Variants in ASAP1 observed in about 807,000 individuals in gnomAD.
ASAP1 encodes the protein arf-GAP with SH3 domain, ANK repeat and PH domain-containing protein 1.
A neutral mutation model predicts 145.2 loss-of-function variants in ASAP1; 43 were observed. The ratio of observed to expected loss-of-function variants is 0.30; its 90% CI spans 0.23 to 0.38. The LOEUF (loss-of-function observed/expected upper bound fraction) is 0.38, where lower values mean the gene tolerates loss of function less well. Among genes scored for constraint, ASAP1 ranks in the 10% least tolerant of loss-of-function variants. The probability of loss-of-function intolerance (pLI) is 1.00; values close to 1 mark genes in which losing one functional copy is unlikely to be tolerated. For synonymous variants in ASAP1, 546 were observed against 515.5 expected (o/e 1.06, Z -0.80); for missense variants, 1,018 against 1,355.3 (o/e 0.75, Z 3.91).
chr8:130,418,374 C>T (rs1205366460), intron 1 of ASAP1, among the ~76,000 whole-genome samples: 1 of 152,018 alleles, frequency 6.6e-6, no homozygotes, highest in Non-Finnish European at 1.5e-5. Context: ...ATGGTGAAAC[C>T]TCGTCTCTAC....
chr8:130,276,728 A>ACACACACCCTCTCTCTCTCT (rs548512902), intron 3 of ASAP1, among the ~76,000 whole-genome samples: 1 of 87,272 alleles, frequency 1.1e-5, no homozygotes, highest in Non-Finnish European at 2.2e-5. Flanking sequence ...ACACACACAC[A>ACACACACCCTCTCTCTCTCT]CTCTCTCTCT....
At chr8:130,151,844 G>T (rs1186374440) in intron 13 of ASAP1, among the ~76,000 whole-genome samples, 1 of 152,198 alleles carries the variant, frequency 6.6e-6, no homozygotes, top group Non-Finnish European at 1.5e-5. Context: ...AGAGAGAAAG[G>T]CCACAAGGAC....
chr8:130,257,793 C>CCCT (rs1819656570), intron 3 of ASAP1, among the ~76,000 whole-genome samples: 2 of 144,778 alleles, frequency 1.4e-5, no homozygotes, highest in African/African-American at 5.1e-5. Flanking sequence ...AGCACCCCCC[C>CCCT]CCCATTATTT....
chr8:130,266,082 G>A (rs761999371), intron 3 of ASAP1, among the ~76,000 whole-genome samples: 4 of 152,118 alleles, frequency 2.6e-5, no homozygotes, highest in East Asian at 1.9e-4. Context: ...CCACAGGTGC[G>A]GGGTTGAAAC....
chr8:130,267,151 CAAAA>C (rs1191920384), intron 3 of ASAP1, among the ~76,000 whole-genome samples: 1 of 143,258 alleles, frequency 7.0e-6, no homozygotes, highest in Non-Finnish European at 1.6e-5. Context: ...AAAAACAAAA[CAAAA>C]AAAAACTAGT....
At chr8:130,121,425 C>A (rs1394662997) in intron 18 of ASAP1, among the ~76,000 whole-genome samples, 2 of 152,156 alleles carry the variant, frequency 1.3e-5, no homozygotes, top group Admixed American at 1.3e-4. Flanking sequence ...CTGAGTATCT[C>A]CAGACATTGC....
At chr8:130,105,527 G>T (rs370774397) in intron 24 of ASAP1, among the ~76,000 whole-genome samples, 2 of 152,150 alleles carry the variant, frequency 1.3e-5, no homozygotes, top group African/African-American at 2.4e-5. Flanking sequence ...AATACAGTAC[G>T]TTATTAACTA....
chr8:130,398,750 C>A (rs1828645960), intron 2 of ASAP1, among the ~76,000 whole-genome samples: 1 of 152,172 alleles, frequency 6.6e-6, no homozygotes, highest in Admixed American at 6.5e-5. Context: ...CAGGAGAGAA[C>A]AGGAAGAAGC....
Position 130,061,016 on chromosome 8 carries a change from C to T in ASAP1, c.2755G>A (p.Glu919Lys), listed in dbSNP as rs768671699. Residue 919 changes from glutamate to lysine, a missense_variant, in exon 28 of 30, where the codon GAA (glutamate) becomes AAA (lysine). Around this residue, in one of 9 missense-constraint regions of ASAP1, gnomAD observed 38 missense variants for 77.2 expected, o/e 0.49. Coordinates refer to ENST00000518721, the MANE Select transcript of ASAP1 (RefSeq NM_018482.4). ...AACTGTGATGATTTCTGAAAGATTT[C>T]GGGCGGGATGGTGGCTTTGTCTAGG... The part of the protein sequence containing the change: ...LSLDKATIPP[E>K]IFQKSSQLAE... 17 of 1,551,472 alleles carry T rather than the reference C, an allele frequency of 1.1e-5. No individual in the cohort carries two copies. Among genetic ancestry groups the T allele is most frequent in the Non-Finnish European group, 1.3e-5 (15 of 1,153,042 alleles).
intron 27 of ASAP1, among the ~76,000 whole-genome samples, chr8:130,072,824 T>TGTGGGCGCGCGC: frequency 3.1e-5 from 1 of 32,282 alleles, no homozygotes; most frequent in Non-Finnish European, 5.7e-5. Context: ...TGTGTGTGTG[T>TGTGGGCGCGCGC]GCGCGCGGGG....
At chr8:130,158,062 T>A (rs1477623178) in intron 12 of ASAP1, among the ~76,000 whole-genome samples, 1 of 152,136 alleles carries the variant, frequency 6.6e-6, no homozygotes, top group African/African-American at 2.4e-5. Context: ...AGTAGAATAA[T>A]AAGCAAAACA....
chr8:130,374,305 G>A (rs1010198040), intron 2 of ASAP1, among the ~76,000 whole-genome samples: 3 of 152,316 alleles, frequency 2.0e-5, no homozygotes, highest in South Asian at 2.1e-4. Context: ...ATTTTACTAC[G>A]TATGTGAATC....
chr8:130,238,880 C>T (rs1818365497), intron 3 of ASAP1, among the ~76,000 whole-genome samples: 1 of 152,100 alleles, frequency 6.6e-6, no homozygotes, highest in East Asian at 1.9e-4. Context: ...ACAGGGTTTC[C>T]AGACTGCAAG....
chr8:130,366,016 A>G (rs940221006), intron 2 of ASAP1, among the ~76,000 whole-genome samples: 2 of 152,106 alleles, frequency 1.3e-5, no homozygotes, highest in Middle Eastern at 3.2e-3. Context: ...CATTTTTTGG[A>G]TAAGGAAACT....
intron 22 of ASAP1, 70 bp from the exon 23 acceptor site, chr8:130,115,805 G>A: frequency 1.8e-6 from 2 of 1,113,174 alleles, no homozygotes; most frequent in Non-Finnish European, 2.7e-6. Context: ...TACAAACACT[G>A]AGCAAATCCC....
At chr8:130,308,887 C>T (rs1419424968) in intron 3 of ASAP1, among the ~76,000 whole-genome samples, 2 of 151,988 alleles carry the variant, frequency 1.3e-5, no homozygotes, top group Admixed American at 6.6e-5. Flanking sequence ...ACTAAAAATA[C>T]AAAAATTAGC....
intron 29 of ASAP1, among the ~76,000 whole-genome samples, chr8:130,055,050 G>A (rs879732492): frequency 2.6e-5 from 4 of 151,930 alleles, no homozygotes; most frequent in Non-Finnish European, 4.4e-5. Flanking sequence ...TACCCACACA[G>A]CAACCCCCTG....
chr8:130,128,709 T>C (rs1229165595), intron 15 of ASAP1, among the ~76,000 whole-genome samples: 1 of 152,186 alleles, frequency 6.6e-6, no homozygotes, highest in Non-Finnish European at 1.5e-5. Flanking sequence ...CTACTGTATG[T>C]CCCAAACAAA....
intron 12 of ASAP1, among the ~76,000 whole-genome samples, chr8:130,157,552 CA>C (rs2097660440): frequency 6.6e-6 from 1 of 152,124 alleles, no homozygotes; most frequent in African/African-American, 2.4e-5. Flanking sequence ...GAGAAGCTTC[CA>C]AAACATGTTG....
Sources: gnomAD v4.1 joint callset for allele counts (sites outside exome capture counted in the v4.1 genomes callset) on GRCh38, gnomAD v4.1.1 for gene constraint, gnomAD v4.1.1 regional missense constraint, MANE v1.5 for transcripts, NCBI Gene and HGNC (gene_info 2026-07-23, HGNC 2026-07-21) for gene names.